KDM6A: variants seen among roughly 807,000 people sequenced by gnomAD.
KDM6A encodes lysine-specific demethylase 6A.
KDM6A carries 11 observed loss-of-function variants against 117.6 expected under a neutral mutation model. The observed-to-expected ratio is 0.09, with a 90% CI of 0.06 to 0.15. KDM6A has a LOEUF of 0.15. Ranked by LOEUF, KDM6A falls within the 10% of genes least tolerant of loss-of-function variation. KDM6A has a pLI of 1.00. For synonymous variants in KDM6A, 384 were observed against 396.1 expected (o/e 0.97, Z 0.36); for missense variants, 799 against 1,077.3 (o/e 0.74, Z 3.62).
In KDM6A at chrX:45,111,737, G is replaced by T; in HGVS notation, c.*326G>T. On this transcript the variant is annotated 3_prime_UTR_variant, in exon 30 of 30. Transcript: ENST00000611820. ...TCTCTATTTCTGGGCTGATGAATTT[G>T]TTTTCATCTGTCTTTTCCCCCTTCA... The T allele has an allele frequency of 4.6e-6, 1 of 218,661 alleles. No homozygotes were observed. The highest frequency in any genetic ancestry group is 6.9e-5 in the Admixed American group (1 of 14,421). 18.0% of individuals were successfully genotyped at this position (218,661 alleles called of 1,213,427 possible). A position where few individuals can be genotyped will look rare whatever the true frequency, so the allele number is the denominator to read the frequency against.
intron 4 of KDM6A, among the ~76,000 whole-genome samples, chrX:45,003,046 C>T (rs1005338619): frequency 1.8e-5 from 2 of 110,814 alleles, no homozygotes; most frequent in African/African-American, 3.3e-5. Context: ...ATTAATAAGA[C>T]CTTGTTTAGT....
chrX:44,874,139 C>T lies in KDM6A; in HGVS notation c.225+152C>T. The T allele has an allele frequency of 1.8e-5, 9 of 503,599 alleles. No individual in the cohort carries two copies. In the South Asian group the frequency reaches 2.0e-4, roughly 11 times the overall value. 41.5% of individuals were successfully genotyped at this position (503,599 alleles called of 1,213,427 possible). A position where few individuals can be genotyped will look rare whatever the true frequency, so the allele number is the denominator to read the frequency against. On this transcript the variant is annotated intron_variant, in intron 2 of 29. Transcript: ENST00000611820. ...ATTTCCTGCCTCTGCTCTCCCCCCA[C>T]CCCCGGGTACCCTGCTTGCTCCCTT... is the stretch of plus-strand genomic sequence containing the variant.
At chrX:45,107,324 G>T (rs904007438) in intron 27 of KDM6A, 86 bp from the exon 28 acceptor site, 1 of 900,964 alleles carries the variant, frequency 1.1e-6, no homozygotes, top group Non-Finnish European at 1.6e-6. Context: ...CAAGTCTCTT[G>T]GCATTATTTC....
chrX:45,010,291 C>T (rs187323042), intron 4 of KDM6A, among the ~76,000 whole-genome samples: 2 of 107,335 alleles, frequency 1.9e-5, no homozygotes, highest in Admixed American at 1.0e-4. Flanking sequence ...GCTGTGATCG[C>T]GTTGGGGTGA....
intron 17 of KDM6A, among the ~76,000 whole-genome samples, chrX:45,068,132 C>A (rs2044623053): frequency 9.0e-6 from 1 of 111,510 alleles, no homozygotes; most frequent in African/African-American, 3.3e-5. Context: ...TAGTTTTATT[C>A]TTTTATAGCT....
chrX:44,972,984 A>G (rs977215788), intron 3 of KDM6A, among the ~76,000 whole-genome samples: 4 of 110,277 alleles, frequency 3.6e-5, no homozygotes, highest in African/African-American at 1.3e-4. Context: ...GCAGTGAGCC[A>G]AGATCACCCC....
At chrX:45,005,023 GC>G (rs751271719) in intron 4 of KDM6A, among the ~76,000 whole-genome samples, 294 of 109,621 alleles carry the variant, frequency 2.7e-3, no homozygotes, top group Middle Eastern at 4.6e-3. Flanking sequence ...AAAGCCAGTG[GC>G]CCCCCCCTCC....
intron 17 of KDM6A, among the ~76,000 whole-genome samples, chrX:45,065,017 G>T (rs1437271476): frequency 2.7e-5 from 3 of 111,889 alleles, no homozygotes; most frequent in Non-Finnish European, 5.6e-5. Context: ...AACATTAGAT[G>T]ATGGTTGTGA....
intron 2 of KDM6A, among the ~76,000 whole-genome samples, chrX:44,877,814 T>C (rs991602064): frequency 9.0e-6 from 1 of 111,464 alleles, no homozygotes; most frequent in Non-Finnish European, 1.9e-5. Flanking sequence ...TTAGAAGTTA[T>C]AGATTGTATA....
intron 5 of KDM6A, among the ~76,000 whole-genome samples, chrX:45,013,637 C>T (rs1288918892): frequency 8.9e-6 from 1 of 111,846 alleles, no homozygotes; most frequent in Non-Finnish European, 1.9e-5. Context: ...GCCCCCTGCT[C>T]TGTTGATCCT....
intron 17 of KDM6A, among the ~76,000 whole-genome samples, chrX:45,068,560 TTA>T (rs553399547): frequency 0.12 from 12,006 of 96,109 alleles, 1,418 homozygotes; most frequent in African/African-American, 0.35. Context: ...CCCTTTTTTT[TTA>T]AAAAAAAAAA....
chrX:45,037,601 C>T (rs2147793153), intron 7 of KDM6A, 54 bp from the exon 8 acceptor site: 1 of 1,005,713 alleles, frequency 9.9e-7, no homozygotes, highest in Non-Finnish European at 1.4e-6. Context: ...CTTAATTTGC[C>T]CCAAATTCTG....
chrX:44,911,809 C>T (rs983752405), intron 2 of KDM6A, among the ~76,000 whole-genome samples: 5 of 111,981 alleles, frequency 4.5e-5, no homozygotes, highest in East Asian at 2.8e-4. Context: ...CAGGTCACTC[C>T]GGGTTAGGAG....
chrX:44,965,820 T>C (rs1338619908), intron 3 of KDM6A, among the ~76,000 whole-genome samples: 6 of 112,481 alleles, frequency 5.3e-5, no homozygotes, highest in African/African-American at 1.9e-4. Context: ...ATAGACTTGC[T>C]CTACACAGGG....
At chrX:44,988,271 G>A (rs752530188) in intron 4 of KDM6A, among the ~76,000 whole-genome samples, 1 of 111,288 alleles carries the variant, frequency 9.0e-6, no homozygotes, top group South Asian at 3.8e-4. Flanking sequence ...GGTCCTTTAA[G>A]GACTGCTCTG....
chrX:45,098,575 A>T (rs1223184381), intron 27 of KDM6A, among the ~76,000 whole-genome samples: 1 of 112,600 alleles, frequency 8.9e-6, no homozygotes, highest in Non-Finnish European at 1.9e-5. Flanking sequence ...AGACATGCAG[A>T]ACTTGAATTG....
intron 2 of KDM6A, among the ~76,000 whole-genome samples, chrX:44,933,601 G>T (rs1410627157): frequency 9.3e-6 from 1 of 107,979 alleles, no homozygotes; most frequent in Admixed American, 1.0e-4. Context: ...TTTTTGAGAC[G>T]AAGTATTGCT....
intron 21 of KDM6A, among the ~76,000 whole-genome samples, chrX:45,080,972 G>A: frequency 8.9e-6 from 1 of 112,073 alleles, no homozygotes; most frequent in Non-Finnish European, 1.9e-5. Context: ...CGCTCTTGTT[G>A]CCCAGGCTGG....
At position 45,062,648 on chromosome X, in the gene KDM6A, A is replaced by G; in HGVS notation, c.1583A>G (p.His528Arg). 8.4e-7 allele frequency: 1 copy of G among 1,185,895 alleles called. No individual in the cohort carries two copies. Among genetic ancestry groups the G allele is most frequent in the Non-Finnish European group, 1.1e-6 (1 of 872,197 alleles). ...SWCLTPQKLQ[H>R]LEQLRANRNN... ...ATTCTCTTTTTGTTCTTCTTCTAGC[A>G]TTTGGAACAGCTCCGCGCAAATAGA... The change falls in exon 16 of 30, where the codon CAT (histidine) becomes CGT (arginine). Residue 528 changes from histidine to arginine, a missense_variant and splice_region_variant. By Grantham distance (29) the His-to-Arg change is conservative. Transcript: ENST00000611820.
Sources: gnomAD v4.1 joint callset for allele counts (sites outside exome capture counted in the v4.1 genomes callset) on GRCh38, gnomAD v4.1.1 for gene constraint, MANE v1.5 for transcripts, NCBI Gene and HGNC (gene_info 2026-07-23, HGNC 2026-07-21) for gene names.